LRP2: variants seen among roughly 807,000 people sequenced by gnomAD.
The protein encoded by LRP2 is LDL receptor related protein 2, also known as low-density lipoprotein receptor-related protein 2.
A neutral mutation model predicts 531.0 loss-of-function variants in LRP2; 172 were observed. The ratio of observed to expected loss-of-function variants is 0.32; its 90% CI spans 0.29 to 0.37. The LOEUF (loss-of-function observed/expected upper bound fraction) is 0.37, where lower values mean the gene tolerates loss of function less well. Ranked by LOEUF, LRP2 falls within the 10% of genes least tolerant of loss-of-function variation. The pLI is 1.00. For synonymous variants in LRP2, 1,992 were observed against 2,027.6 expected, an observed-to-expected ratio of 0.98 and a Z score of 0.47; for missense variants, 5,167 against 5,868.3, an observed-to-expected ratio of 0.88 and a Z score of 3.90.
At chr2:169,328,441 TAAAAAAAAA>T (rs537210492) in intron 1 of LRP2, among the ~76,000 whole-genome samples, 3 of 49,144 alleles carry the variant, frequency 6.1e-5, no homozygotes, top group South Asian at 8.3e-4. Flanking sequence ...CGGGCCGGGA[TAAAAAAAAA>T]AAAAAAAAAA....
chr2:169,343,894 A>T (rs1486588557), intron 1 of LRP2, among the ~76,000 whole-genome samples: 1 of 152,240 alleles, frequency 6.6e-6, no homozygotes. Context: ...AAAGGAAGCC[A>T]TAGAAATTTT....
intron 54 of LRP2, among the ~76,000 whole-genome samples, chr2:169,176,157 G>A (rs1687185843): frequency 6.6e-6 from 1 of 152,204 alleles, no homozygotes; most frequent in Non-Finnish European, 1.5e-5. Context: ...AATTAGAAAT[G>A]AGAAATATAT....
Position 169,146,804 on chromosome 2 carries a change from A to C in LRP2, c.12746T>G (p.Phe4249Cys), listed in dbSNP as rs2105348470. 6.2e-7 allele frequency: 1 copy of C among 1,614,218 alleles called. No homozygotes were observed. The highest frequency in any genetic ancestry group is 8.5e-7 in the Non-Finnish European group (1 of 1,180,028). ...LNNDRIYWSDFKEDVIETIKY... is the reference protein window; with the variant it reads ...LNNDRIYWSDCKEDVIETIKY... ...TATGGTTTCAATAACGTCCTCCTTG[A>C]AGTCACTCCAGTAGATTCGGTCATT... Residue 4249 changes from phenylalanine to cysteine, a missense_variant, in exon 69 of 79, where the codon TTC (phenylalanine) becomes TGC (cysteine). Transcript: ENST00000649046.
At chr2:169,132,422 A>G (rs1186945367) in intron 77 of LRP2, 152 bp downstream of exon 77, 2 of 622,024 alleles carry the variant, frequency 3.2e-6, no homozygotes, top group African/African-American at 3.7e-5. Context: ...TCAATCTATG[A>G]CTTTTTAAAA....
At chr2:169,293,337 A>C (rs758463448) in intron 6 of LRP2, among the ~76,000 whole-genome samples, 1 of 152,236 alleles carries the variant, frequency 6.6e-6, no homozygotes, top group Non-Finnish European at 1.5e-5. Context: ...CATAAAAGCA[A>C]GGTCAGCGTG....
intron 29 of LRP2, among the ~76,000 whole-genome samples, chr2:169,235,618 C>T (rs1208631852): frequency 6.6e-6 from 1 of 152,196 alleles, no homozygotes; most frequent in Non-Finnish European, 1.5e-5. Context: ...TATAAAAATC[C>T]TTCCTGGATA....
chr2:169,150,374 A>G (rs1484269063), intron 68 of LRP2, among the ~76,000 whole-genome samples: 1 of 152,168 alleles, frequency 6.6e-6, no homozygotes, highest in African/African-American at 2.4e-5. Context: ...AAATAACAAA[A>G]CTTGTTCTCA....
At chr2:169,276,449 GA>G (rs1245878979) in intron 13 of LRP2, among the ~76,000 whole-genome samples, 1 of 151,986 alleles carries the variant, frequency 6.6e-6, no homozygotes, top group Non-Finnish European at 1.5e-5. Flanking sequence ...ATCCCAAAGA[GA>G]AAAAATTTAA....
chr2:169,211,980 C>T lies in LRP2; in HGVS notation c.6268G>A (p.Val2090Met), dbSNP rs749373683. ...GGAGTTGGCATACCTTGGCCTGCCA[C>T]CGGCACCATGGTTTCTGAATGATCT... ...LSDHSETMVP[V>M]AGQGRNALHV... The change falls in exon 37 of 79, where the codon GTG becomes ATG. Residue 2090 changes from valine to methionine, a missense_variant. Physicochemically the swap from Val to Met is conservative, Grantham distance 21. This residue lies in a region of LRP2 where 2,811 missense variants were observed against 3,058.0 expected (regional missense o/e 0.92). Coordinates refer to ENST00000649046, the MANE Select transcript of LRP2 (RefSeq NM_004525.3). 6.2e-7 allele frequency: 1 copy of T among 1,613,838 alleles called. No individual in the cohort carries two copies. Among genetic ancestry groups the T allele is most frequent in the Non-Finnish European group, 8.5e-7 (1 of 1,179,858 alleles).
At position 169,239,637 on chromosome 2, in the gene LRP2, T is replaced by C. The variant is rs1479247917; in HGVS notation, c.4184A>G (p.Asp1395Gly). 1.2e-6 allele frequency: 2 copies of C among 1,614,118 alleles called. No homozygotes were observed. The highest frequency in any genetic ancestry group is 1.7e-6 in the Non-Finnish European group (2 of 1,179,974). Residue 1395 changes from aspartate (D) to glycine (G), a missense_variant, in exon 26 of 79, where the codon GAT (aspartate) becomes GGT (glycine). By Grantham distance (94) the Asp-to-Gly change is moderately conservative. Coordinates refer to ENST00000649046, the MANE Select transcript of LRP2 (RefSeq NM_004525.3). ...SKTCEDIDEC[D>G]ILGSCSQHCY... ...GTGCTGGCTACAAGAGCCTAGAATA[T>C]CACATTCATCTATGTCTTCACAGGT... is the stretch of plus-strand genomic sequence containing the variant.
At chr2:169,352,885 A>G (rs1241879190) in intron 1 of LRP2, among the ~76,000 whole-genome samples, 1 of 151,996 alleles carries the variant, frequency 6.6e-6, no homozygotes, top group African/African-American at 2.4e-5. Flanking sequence ...GGTGGGGGCC[A>G]AGGGAAGGGA....
chr2:169,276,892 G>GA (rs945071101), intron 13 of LRP2, among the ~76,000 whole-genome samples: 9 of 151,538 alleles, frequency 5.9e-5, no homozygotes, highest in Admixed American at 2.0e-4. Context: ...GTAAAAAGAT[G>GA]AAAAAAAATA....
chr2:169,203,723 C>G (rs924115288), intron 42 of LRP2, among the ~76,000 whole-genome samples: 1 of 152,312 alleles, frequency 6.6e-6, no homozygotes, highest in Admixed American at 6.5e-5. Context: ...CGCCACTGCA[C>G]TCCAGCCTGG....
intron 49 of LRP2, among the ~76,000 whole-genome samples, chr2:169,187,739 C>T (rs947071264): frequency 1.3e-5 from 2 of 152,182 alleles, no homozygotes; most frequent in African/African-American, 4.8e-5. Flanking sequence ...TGAATATTTG[C>T]CCATCTTCTG....
intron 17 of LRP2, among the ~76,000 whole-genome samples, chr2:169,258,648 T>G (rs939227549): frequency 6.6e-6 from 1 of 152,120 alleles, no homozygotes; most frequent in African/African-American, 2.4e-5. Context: ...AAGCAAGTTT[T>G]GCTAAGCTTT....
intron 1 of LRP2, among the ~76,000 whole-genome samples, chr2:169,354,940 G>T (rs1042432501): frequency 2.6e-5 from 4 of 152,170 alleles, no homozygotes; most frequent in African/African-American, 9.7e-5. Context: ...AAGGACTAGT[G>T]CTTGGAAAAC....
rs1424941526 is a variant in LRP2, at chr2:169,257,175, G to A, written c.2588C>T (p.Pro863Leu). The A allele has an allele frequency of 6.2e-7, 1 of 1,612,890 alleles. No individual in the cohort carries two copies. The highest frequency in any genetic ancestry group is 2.2e-5 in the East Asian group (1 of 44,846). The change falls in exon 18 of 79, where the codon CCT becomes CTT. Residue 863 changes from proline (P) to leucine (L), a missense_variant. Coordinates refer to ENST00000649046, the MANE Select transcript of LRP2 (RefSeq NM_004525.3). ...RAWSDGSHLL[P>L]VINTTLGWPN... Reference sequence around the variant, plus strand: ...CCATCCAAGAGTAGTGTTTATTACAGGCAAGAGGTGAGATCCGTCACTCCA... The same window carrying A: ...CCATCCAAGAGTAGTGTTTATTACAAGCAAGAGGTGAGATCCGTCACTCCA...
intron 16 of LRP2, among the ~76,000 whole-genome samples, chr2:169,261,389 A>C (rs543564647): frequency 6.6e-6 from 1 of 152,062 alleles, no homozygotes; most frequent in Non-Finnish European, 1.5e-5. Context: ...GCAGTGGCAC[A>C]GTCATAGCCC....
At chr2:169,359,285 G>A (rs1245913184) in intron 1 of LRP2, among the ~76,000 whole-genome samples, 1 of 152,164 alleles carries the variant, frequency 6.6e-6, no homozygotes, top group Non-Finnish European at 1.5e-5. Flanking sequence ...CTAGAAAGTG[G>A]TAAAGCCAAT....
Sources: allele counts gnomAD v4.1 joint callset (sites outside exome capture counted in the v4.1 genomes callset), GRCh38; gene constraint gnomAD v4.1.1; regional missense constraint gnomAD v4.1.1; transcripts MANE v1.5; gene names NCBI Gene and HGNC (gene_info 2026-07-23, HGNC 2026-07-21).